GRTP1: variants seen among roughly 807,000 people sequenced by gnomAD.
GRTP1 encodes the protein growth hormone-regulated TBC protein 1.
Under a neutral mutation model 38.1 loss-of-function variants are expected in GRTP1, and 56 were observed. That is an observed-to-expected ratio of 1.47 (90% CI 1.19 to 1.84). The LOEUF (loss-of-function observed/expected upper bound fraction) is 1.84, where lower values mean the gene tolerates loss of function less well. GRTP1 is among the 40% of genes most tolerant of loss of function. The pLI, the probability that GRTP1 is intolerant of heterozygous loss-of-function variation, is 0.00. For missense variants in GRTP1, 506 were observed against 453.9 expected, an observed-to-expected ratio of 1.11 and a Z score of -1.04; for synonymous variants, 217 against 189.5, an observed-to-expected ratio of 1.14 and a Z score of -1.19.
At chr13:113,341,755 AG>A (rs2043029204) in intron 5 of GRTP1, among the ~76,000 whole-genome samples, 1 of 152,218 alleles carries the variant, frequency 6.6e-6, no homozygotes, top group Non-Finnish European at 1.5e-5. Flanking sequence ...TGATGATAAC[AG>A]TTACCTCTGA....
intron 2 of GRTP1, chr13:113,360,111 G>T (rs2043468540): frequency 2.6e-5 from 4 of 152,142 alleles, no homozygotes; most frequent in Non-Finnish European, 5.9e-5. Context: ...AATATTCTAA[G>T]CCACCAGGAA....
In GRTP1 at chr13:113,325,954, A is replaced by G. The variant is rs1555313280; in HGVS notation, c.700T>C (p.Phe234Leu). Residue 234 changes from phenylalanine to leucine, a missense_variant, in exon 6 of 8, where the codon TTC (phenylalanine) becomes CTC (leucine). Transcript: ENST00000375431. Reference protein sequence around the residue: ...VLWTLLVSRWFICLFVDILPV... With the variant: ...VLWTLLVSRWLICLFVDILPV... ...AAGATGTCCACAAACAGGCAGATGA[A>G]CCAGCGGGACACCAGCAGCGTCCAC... 10 of 1,613,928 alleles carry G rather than the reference A, an allele frequency of 6.2e-6. No homozygotes were observed. The highest frequency in any genetic ancestry group is 8.5e-6 in the Non-Finnish European group (10 of 1,179,940).
At chr13:113,326,516 C>T (rs953336823) in intron 5 of GRTP1, among the ~76,000 whole-genome samples, 1 of 151,224 alleles carries the variant, frequency 6.6e-6, no homozygotes, top group African/African-American at 2.4e-5. Flanking sequence ...ACTAAAAATA[C>T]AAAAATTAGC....
rs1200970220 is a variant in GRTP1 at position 113,324,443 on chromosome 13, G to A, written c.*45C>T. 3 of 1,506,676 alleles carry A rather than the reference G, an allele frequency of 2.0e-6. No homozygotes were observed. Among genetic ancestry groups the A allele is most frequent in the Non-Finnish European group, 1.8e-6 (2 of 1,124,612 alleles). The allele number at this position is 1,506,676 out of a possible 1,614,324, so 93.3% of individuals were successfully genotyped here. A position where few individuals can be genotyped will look rare whatever the true frequency, so the allele number is the denominator to read the frequency against. Reference sequence around the variant, plus strand: ...TTGGTCCAGTGTCAACTCTGGAAAGGGGCATCGTCAGTGTAGAGACGAGCA... The same window carrying A: ...TTGGTCCAGTGTCAACTCTGGAAAGAGGCATCGTCAGTGTAGAGACGAGCA... On this transcript the variant is annotated 3_prime_UTR_variant, in exon 8 of 8. Transcript: ENST00000375431.
rs1400066957 is a variant in GRTP1 at position 113,355,419 on chromosome 13, T to C, written c.244A>G (p.Ser82Gly). Residue 82 changes from serine to glycine, a missense_variant, in exon 3 of 8, where the codon AGT (serine) becomes GGT (glycine). Ser to Gly is a moderately conservative substitution (Grantham distance 56). Coordinates refer to ENST00000375431, the MANE Select transcript of GRTP1 (RefSeq NM_024719.4). ...TGGTCCATCTGCGCCTGGGCCCCAC[T>C]CAGCACCATCCAGACGCGGGCACGG... ...EHRARVWMVLSGAQAQMDQNP... is the reference protein window; with the variant it reads ...EHRARVWMVLGGAQAQMDQNP... 1 of 1,613,980 alleles carries C rather than the reference T, an allele frequency of 6.2e-7. No homozygotes were observed. The highest frequency in any genetic ancestry group is 8.5e-7 in the Non-Finnish European group (1 of 1,180,016).
intron 3 of GRTP1, 119 bp downstream of exon 3, chr13:113,355,204 T>TC: frequency 1.0e-6 from 1 of 973,982 alleles, no homozygotes; most frequent in Non-Finnish European, 1.5e-6. Context: ...AGACGTAACT[T>TC]CAAGTTAAAA....
chr13:113,347,425 G>A (rs1219344217), intron 4 of GRTP1, among the ~76,000 whole-genome samples: 44 of 98,450 alleles, frequency 4.5e-4, no homozygotes, highest in African/African-American at 2.2e-3. Flanking sequence ...AGTGGACCCG[G>A]GAGGACCTCT....
chr13:113,332,262 CCA>C (rs1283202640), intron 5 of GRTP1, among the ~76,000 whole-genome samples: 6 of 149,984 alleles, frequency 4.0e-5, no homozygotes, highest in South Asian at 2.1e-4. Flanking sequence ...CACACGCACA[CCA>C]CACACAGGTA....
chr13:113,362,467 T>C (rs970320803), intron 2 of GRTP1, among the ~76,000 whole-genome samples: 1 of 152,082 alleles, frequency 6.6e-6, no homozygotes, highest in Non-Finnish European at 1.5e-5. Context: ...TTAACTTCCA[T>C]CTCTATAAAA....
chr13:113,362,596 A>G (rs1170127358), intron 2 of GRTP1, among the ~76,000 whole-genome samples: 8 of 152,162 alleles, frequency 5.3e-5, no homozygotes, highest in African/African-American at 1.9e-4. Flanking sequence ...TGATTGTGCC[A>G]CTGCACTCAG....
At chr13:113,331,953 A>G (rs1226826389) in intron 5 of GRTP1, among the ~76,000 whole-genome samples, 1 of 150,860 alleles carries the variant, frequency 6.6e-6, no homozygotes, top group Non-Finnish European at 1.5e-5. Flanking sequence ...CACCATGCCT[A>G]GCCTTTTGTT....
At chr13:113,334,112 G>A (rs1195794828) in intron 5 of GRTP1, among the ~76,000 whole-genome samples, 1 of 152,228 alleles carries the variant, frequency 6.6e-6, no homozygotes, top group Non-Finnish European at 1.5e-5. Flanking sequence ...TGGGATTACA[G>A]GGGTGAGCCG....
At chr13:113,328,579 G>C (rs190157328) in intron 5 of GRTP1, among the ~76,000 whole-genome samples, 136 of 152,322 alleles carry the variant, frequency 8.9e-4, no homozygotes, top group Middle Eastern at 6.8e-3. Context: ...GAGTGCAGTG[G>C]TGCTATCACA....
chr13:113,355,027 C>T (rs1265197590), intron 3 of GRTP1: 2 of 302,962 alleles, frequency 6.6e-6, no homozygotes, highest in South Asian at 7.1e-5. Flanking sequence ...CGAAGCGCAC[C>T]GGCAACAGAG....
rs536902932 is a variant in GRTP1 at position 113,349,723 on chromosome 13, C to T, written c.465+1126G>A. On this transcript the variant is annotated intron_variant, in intron 4 of 7. Coordinates refer to ENST00000375431, the MANE Select transcript of GRTP1 (RefSeq NM_024719.4). The surrounding 1 kb of genome is among the most constrained non-coding windows in gnomAD (Gnocchi z 5.0). ...TCACGCAACGTCCACCCTTTCTCCT[C>T]GGGAGCATTCACTCTGCCAGGTGCC... 2.0e-5 allele frequency among the ~76,000 whole-genome samples: 3 copies of T among 152,318 alleles called. No individual in the cohort carries two copies. Among genetic ancestry groups the T allele is most frequent in the South Asian group, 2.1e-4 (1 of 4,830 alleles).
At chr13:113,355,293 T>C (rs1199607751) in intron 3 of GRTP1, 30 bp downstream of exon 3, 4 of 1,609,762 alleles carry the variant, frequency 2.5e-6, no homozygotes, top group Admixed American at 3.3e-5. Context: ...CCCCGGGCCC[T>C]GCACCAGAGC....
chr13:113,331,673 T>TG (rs2139409636), intron 5 of GRTP1, among the ~76,000 whole-genome samples: 1 of 147,300 alleles, frequency 6.8e-6, no homozygotes, highest in East Asian at 2.0e-4. Flanking sequence ...TTTTTTTTTT[T>TG]TAGACAGAGT....
intron 7 of GRTP1, chr13:113,325,088 C>T (rs2042739807): frequency 1.0e-6 from 1 of 1,003,108 alleles, no homozygotes; most frequent in African/African-American, 1.7e-5. Flanking sequence ...CCTTGGCCTC[C>T]CAAAGTGCTG....
At chr13:113,345,496 C>T (rs1463016273) in intron 4 of GRTP1, among the ~76,000 whole-genome samples, 2 of 152,246 alleles carry the variant, frequency 1.3e-5, no homozygotes, top group Non-Finnish European at 2.9e-5. Flanking sequence ...CAGCCCCAGA[C>T]CCTGGGGGCT....
Sources: allele counts gnomAD v4.1 joint callset (sites outside exome capture counted in the v4.1 genomes callset), GRCh38; gene constraint gnomAD v4.1.1; non-coding constraint Gnocchi (gnomAD v3.1); transcripts MANE v1.5; gene names NCBI Gene and HGNC (gene_info 2026-07-23, HGNC 2026-07-21).